Variants in ABCB4 observed in about 807,000 individuals in gnomAD.
ABCB4 encodes the protein ATP binding cassette subfamily B member 4, also known as phosphatidylcholine translocator ABCB4.
ABCB4 carries 76 observed loss-of-function variants against 145.7 expected under a neutral mutation model. The observed-to-expected ratio is 0.52, with a 90% CI of 0.43 to 0.63. The LOEUF (loss-of-function observed/expected upper bound fraction) is 0.63. Ranked by LOEUF, ABCB4 falls within the 30% of genes least tolerant of loss-of-function variation. The pLI is 0.00. For missense variants in ABCB4, 1,234 were observed against 1,553.1 expected, an observed-to-expected ratio of 0.79 and a Z score of 3.45; for synonymous variants, 517 against 566.8, an observed-to-expected ratio of 0.91 and a Z score of 1.25.
intron 16 of ABCB4, among the ~76,000 whole-genome samples, chr7:87,425,546 G>C (rs1809748717): frequency 6.6e-6 from 1 of 151,982 alleles, no homozygotes; most frequent in African/African-American, 2.4e-5. Flanking sequence ...AGTTTTCTCA[G>C]GCCAACACAA....
intron 15 of ABCB4, among the ~76,000 whole-genome samples, 158 bp from the exon 16 acceptor site, chr7:87,427,078 G>C (rs1809884768): frequency 6.6e-6 from 1 of 151,396 alleles, no homozygotes; most frequent in South Asian, 2.1e-4. Context: ...TCTCAATCAA[G>C]GATAGCTAGA....
rs749444322 is a variant in ABCB4 at position 87,418,538 on chromosome 7, C to T, written c.2477G>A (p.Gly826Glu). The T allele has an allele frequency of 6.2e-6, 10 of 1,613,988 alleles. No individual in the cohort carries two copies. The South Asian group carries it at 6.6e-5, about 11-fold the overall frequency. Residue 826 changes from glycine to glutamate, a missense_variant and splice_region_variant, in exon 20 of 28, where the codon GGA (glycine) becomes GAA (glutamate). Gly to Glu is a moderately conservative substitution (Grantham distance 98). Around this residue, in one of 7 missense-constraint regions of ABCB4, gnomAD observed 321 missense variants for 332.6 expected, o/e 0.97. Coordinates refer to ENST00000649586, the MANE Select transcript of ABCB4 (RefSeq NM_000443.4). ...RLATDAAQVQ[G>E]ATGTRLALIA... is the part of the protein sequence containing the mutation. ...ACAAGTAGAGTGCAGTCTACCTACT[C>T]CTTGGACTTGGGCAGCATCTGTGGC... is the stretch of plus-strand genomic sequence containing the variant.
chr7:87,427,669 G>A (rs1809935687), intron 15 of ABCB4, among the ~76,000 whole-genome samples: 1 of 152,126 alleles, frequency 6.6e-6, no homozygotes, highest in Non-Finnish European at 1.5e-5. Flanking sequence ...GTAGTGTCTT[G>A]TTCTTGCTCC....
rs10647775 is a variant in ABCB4 at position 87,426,944 on chromosome 7, AGT to A, written c.1894-26_1894-25del. ...GTCTGAAAGAATATCAAGACATTAA[AGT>A]GTGTGTGTGTGTGTGTGTGTGTGTG... On this transcript the variant is annotated intron_variant, in intron 15 of 27. Coordinates refer to ENST00000649586, the MANE Select transcript of ABCB4 (RefSeq NM_000443.4). 30,629 of 1,023,926 alleles carry A rather than the reference AGT, an allele frequency of 0.03. 165 individuals carry two copies. Among genetic ancestry groups the A allele is most frequent in the East Asian group, 0.17 (6,645 of 39,376 alleles). 63.4% of individuals were successfully genotyped at this position (1,023,926 alleles called of 1,614,324 possible).
At chr7:87,377,772 T>A in the ABCB4 span, among the ~76,000 whole-genome samples, 4 of 152,218 alleles carry the variant, frequency 2.6e-5, no homozygotes, top group Admixed American at 6.5e-5. Flanking sequence ...GCATTATGTA[T>A]GTGTTCTATG....
chr7:87,373,454 G>A, the ABCB4 span, among the ~76,000 whole-genome samples: 1 of 151,214 alleles, frequency 6.6e-6, no homozygotes, highest in African/African-American at 2.4e-5. Flanking sequence ...TTTTTTTGTT[G>A]TTACATGTGC....
intron 12 of ABCB4, among the ~76,000 whole-genome samples, chr7:87,441,424 T>C (rs1810979910): frequency 6.6e-6 from 1 of 151,040 alleles, no homozygotes; most frequent in Non-Finnish European, 1.5e-5. Flanking sequence ...GTTGACCATT[T>C]CTTGAAACTT....
intron 8 of ABCB4, among the ~76,000 whole-genome samples, chr7:87,448,457 T>C (rs1412721269): frequency 2.0e-5 from 3 of 152,194 alleles, no homozygotes; most frequent in African/African-American, 7.2e-5. Context: ...GCTGCATTCA[T>C]AGAGCACAGC....
chr7:87,418,643 A>G (rs577976071), intron 19 of ABCB4, 23 bp from the exon 20 acceptor site: 1 of 1,608,360 alleles, frequency 6.2e-7, no homozygotes, highest in Admixed American at 1.7e-5. Context: ...ATACACGTTT[A>G]TGTTAGTTCA....
At chr7:87,417,226 A>G in intron 21 of ABCB4, 86 bp downstream of exon 21, 1 of 1,264,056 alleles carries the variant, frequency 7.9e-7, no homozygotes, top group Non-Finnish European at 1.1e-6. Context: ...TTAATTATTA[A>G]AGCCTGCATA....
At chr7:87,382,067 T>C in the ABCB4 span, 1 of 1,600,720 alleles carries the variant, frequency 6.2e-7, no homozygotes, top group Non-Finnish European at 8.5e-7. Context: ...GTCTTCCCTA[T>C]TTTCAGGGTT....
At chr7:87,426,677 C>T in intron 16 of ABCB4, 73 bp downstream of exon 16, 2 of 1,497,418 alleles carry the variant, frequency 1.3e-6, no homozygotes, top group Admixed American at 1.7e-5. Context: ...AAAATATTTG[C>T]AAGGCTAAGA....
intron 3 of ABCB4, among the ~76,000 whole-genome samples, chr7:87,471,629 C>T (rs186907902): frequency 7.9e-4 from 121 of 152,294 alleles, no homozygotes; most frequent in African/African-American, 2.8e-3. Context: ...TTTCAGCTGA[C>T]ATGACACTTA....
chr7:87,394,020 C>T, the ABCB4 span, among the ~76,000 whole-genome samples: 3 of 152,208 alleles, frequency 2.0e-5, no homozygotes, highest in Non-Finnish European at 2.9e-5. Context: ...AAAATATACA[C>T]AAATCTACTA....
At chr7:87,368,043 T>C in the ABCB4 span, among the ~76,000 whole-genome samples, 1 of 152,222 alleles carries the variant, frequency 6.6e-6, no homozygotes, top group Non-Finnish European at 1.5e-5. Context: ...CTGAGGCCAG[T>C]ATAATCGGGT....
chr7:87,399,487 AAG>A (rs1375152421), downstream of ABCB4: 1 of 152,224 alleles, frequency 6.6e-6, no homozygotes, highest in Non-Finnish European at 1.5e-5. Flanking sequence ...AGAAGAAAAA[AAG>A]AGAAAAATAA....
At chr7:87,434,357 A>G (rs1810464744) in intron 14 of ABCB4, among the ~76,000 whole-genome samples, 1 of 152,114 alleles carries the variant, frequency 6.6e-6, no homozygotes, top group Non-Finnish European at 1.5e-5. Flanking sequence ...ATCTGCTGTT[A>G]TATCTTTCTT....
At chr7:87,429,077 T>A (rs143755218) in intron 15 of ABCB4, among the ~76,000 whole-genome samples, 1 of 152,114 alleles carries the variant, frequency 6.6e-6, no homozygotes, top group African/African-American at 2.4e-5. Flanking sequence ...GAAAACCAGG[T>A]TGGTCTTTGA....
Position 87,450,094 on chromosome 7 carries a change from T to C in ABCB4, c.709-2A>G. 1 of 1,614,004 alleles carries C rather than the reference T, an allele frequency of 6.2e-7. No individual in the cohort carries two copies. ...TTTGTCACTAAATGCCGAGAGTATC[T>C]GGACAGAAAAGAAACAGTGATCACT... On this transcript the variant is annotated splice_acceptor_variant, in intron 7 of 27. Coordinates refer to ENST00000649586, the MANE Select transcript of ABCB4 (RefSeq NM_000443.4). LOFTEE classifies it high-confidence loss of function.
Sources: allele counts gnomAD v4.1 joint callset (sites outside exome capture counted in the v4.1 genomes callset), GRCh38; gene constraint gnomAD v4.1.1; regional missense constraint gnomAD v4.1.1; transcripts MANE v1.5; gene names NCBI Gene and HGNC (gene_info 2026-07-23, HGNC 2026-07-21).